The following COL10A1 variants were observed in gnomAD, a reference collection of about 807,000 sequenced individuals.
COL10A1 encodes the protein collagen alpha-1(X) chain.
In COL10A1, 10 loss-of-function variants were observed where a neutral mutation model predicts 18.2. The observed-to-expected ratio is 0.55, with a 90% CI of 0.34 to 0.93. The LOEUF (loss-of-function observed/expected upper bound fraction) is 0.93. COL10A1 is among the 40% of genes least tolerant of loss of function. COL10A1 has a pLI of 0.02. For synonymous variants in COL10A1, 330 were observed against 316.6 expected, an observed-to-expected ratio of 1.04 and a Z score of -0.45; for missense variants, 897 against 853.5, an observed-to-expected ratio of 1.05 and a Z score of -0.64.
At chr6:116,148,369 T>G (rs1158188955) in intron 1 of COL10A1, among the ~76,000 whole-genome samples, 1 of 152,220 alleles carries the variant, frequency 6.6e-6, no homozygotes. Context: ...GTAGCATTTG[T>G]TTTCATTGCA....
At chr6:116,203,079 C>T in the COL10A1 span, among the ~76,000 whole-genome samples, 1 of 151,876 alleles carries the variant, frequency 6.6e-6, no homozygotes, top group African/African-American at 2.4e-5. Flanking sequence ...TATGGTAGGA[C>T]ACAGGAAATA....
At chr6:116,169,311 G>A in the COL10A1 span, among the ~76,000 whole-genome samples, 10 of 152,152 alleles carry the variant, frequency 6.6e-5, no homozygotes, top group African/African-American at 2.4e-4. Flanking sequence ...AAATGGCATA[G>A]TTCTCCACTG....
At position 116,121,015 on chromosome 6, in the gene COL10A1, A is replaced by G. The variant is rs1320089096; in HGVS notation, c.1101T>C (p.Ala367=). Reference sequence around the variant, plus strand: ...TAGCCCCAGGGTATCCTGCAGGCCCAGCTGGCCCTGTCTCACCTTTAGGGC... The same window carrying G: ...TAGCCCCAGGGTATCCTGCAGGCCCGGCTGGCCCTGTCTCACCTTTAGGGC... ...LPGPKGETGP[A]GPAGYPGAKG... is the part of the protein sequence containing the mutation. Residue 367 remains alanine (A), a synonymous_variant, in exon 3 of 3, where the codon GCT becomes GCC. Coordinates refer to ENST00000651968, the MANE Select transcript of COL10A1 (RefSeq NM_000493.4). 9.9e-6 allele frequency: 16 copies of G among 1,613,824 alleles called. No individual in the cohort carries two copies. Among genetic ancestry groups the G allele is most frequent in the Non-Finnish European group, 1.4e-5 (16 of 1,179,860 alleles).
the COL10A1 span, among the ~76,000 whole-genome samples, chr6:116,203,508 A>T: frequency 6.6e-6 from 1 of 151,882 alleles, no homozygotes; most frequent in South Asian, 2.1e-4. Flanking sequence ...CCTCAACATT[A>T]TGCTCCTATA....
chr6:116,191,418 C>T, the COL10A1 span, among the ~76,000 whole-genome samples: 28 of 152,012 alleles, frequency 1.8e-4, no homozygotes, highest in Middle Eastern at 6.8e-3. Flanking sequence ...AGGAGATTCA[C>T]GGGAAAGAAG....
chr6:116,182,537 C>T, the COL10A1 span, among the ~76,000 whole-genome samples: 6 of 152,038 alleles, frequency 3.9e-5, no homozygotes, highest in East Asian at 1.9e-4. Context: ...ACCACATCCA[C>T]GCCAACACCT....
the COL10A1 span, among the ~76,000 whole-genome samples, chr6:116,171,003 C>G: frequency 7.2e-5 from 11 of 152,246 alleles, no homozygotes; most frequent in African/African-American, 2.6e-4. Context: ...TAGCCTGTTA[C>G]CACCCTACCA....
chr6:116,196,080 C>G, the COL10A1 span, among the ~76,000 whole-genome samples: 8 of 151,792 alleles, frequency 5.3e-5, no homozygotes, highest in Non-Finnish European at 1.0e-4. Flanking sequence ...TTCTGTTATC[C>G]CTGACATTCT....
intron 1 of COL10A1, among the ~76,000 whole-genome samples, chr6:116,151,092 G>T (rs756610206): frequency 6.6e-6 from 1 of 151,870 alleles, no homozygotes; most frequent in Non-Finnish European, 1.5e-5. Context: ...ATTTGCTCAG[G>T]GATTAGAATT....
At chr6:116,132,033 C>A (rs191178486) in intron 1 of COL10A1, among the ~76,000 whole-genome samples, 1 of 152,268 alleles carries the variant, frequency 6.6e-6, no homozygotes, top group Non-Finnish European at 1.5e-5. Flanking sequence ...GCATAGTATT[C>A]CATGGGGTAT....
the COL10A1 span, among the ~76,000 whole-genome samples, chr6:116,189,527 G>A: frequency 3.9e-5 from 6 of 151,928 alleles, no homozygotes; most frequent in Non-Finnish European, 5.9e-5. Flanking sequence ...AGACACAAAT[G>A]AACATATAAA....
rs1290966643 is a variant in COL10A1, at chr6:116,119,157, T to C, written c.*916A>G. On this transcript the variant is annotated 3_prime_UTR_variant, in exon 3 of 3. Coordinates refer to ENST00000651968, the MANE Select transcript of COL10A1 (RefSeq NM_000493.4). ...CAGTACAGTGCATAAATAAATAATA[T>C]ATCTCCACTTCTAGTCGAATTTTGA... 1.3e-5 allele frequency: 2 copies of C among 152,640 alleles called. No individual in the cohort carries two copies. The highest frequency in any genetic ancestry group is 6.5e-5 in the Admixed American group (1 of 15,284). The allele number at this position is 152,640 out of a possible 1,614,324, so 9.5% of individuals were successfully genotyped here. A position where few individuals can be genotyped will look rare whatever the true frequency, so the allele number is the denominator to read the frequency against.
At chr6:116,213,773 A>G in the COL10A1 span, among the ~76,000 whole-genome samples, 2 of 152,180 alleles carry the variant, frequency 1.3e-5, no homozygotes, top group African/African-American at 4.8e-5. Flanking sequence ...GATCCTGCCT[A>G]TTTCACCTCT....
At chr6:116,190,587 A>G in the COL10A1 span, among the ~76,000 whole-genome samples, 311 of 152,098 alleles carry the variant, frequency 2.0e-3, 1 homozygote, top group Middle Eastern at 0.01. Context: ...AAAAGATGAC[A>G]GTGGTTGTGG....
At chr6:116,149,627 T>C (rs1779985214) in intron 1 of COL10A1, among the ~76,000 whole-genome samples, 1 of 152,168 alleles carries the variant, frequency 6.6e-6, no homozygotes, top group Non-Finnish European at 1.5e-5. Flanking sequence ...AGAAATTGTT[T>C]TTCCAAAAAA....
chr6:116,141,765 T>G (rs749020427), intron 1 of COL10A1, among the ~76,000 whole-genome samples: 17 of 151,672 alleles, frequency 1.1e-4, no homozygotes, highest in Non-Finnish European at 2.1e-4. Context: ...TTTTGTTTTT[T>G]TTTTTTGTTT....
At chr6:116,191,814 G>C in the COL10A1 span, among the ~76,000 whole-genome samples, 25 of 151,904 alleles carry the variant, frequency 1.6e-4, no homozygotes, top group Admixed American at 6.6e-5. Flanking sequence ...TTATATATTT[G>C]TATTCCCCAA....
upstream of COL10A1, among the ~76,000 whole-genome samples, chr6:116,129,926 A>G (rs1448378515): frequency 2.0e-5 from 3 of 152,282 alleles, no homozygotes; most frequent in East Asian, 5.8e-4. Flanking sequence ...ACATTCACTC[A>G]CACACAGATA....
chr6:116,152,738 T>G (rs1449456995), intron 1 of COL10A1, among the ~76,000 whole-genome samples: 1 of 152,184 alleles, frequency 6.6e-6, no homozygotes, highest in African/African-American at 2.4e-5. Context: ...GTTAGAATGT[T>G]CCATACTTAG....
Sources: allele counts gnomAD v4.1 joint callset (sites outside exome capture counted in the v4.1 genomes callset), GRCh38; gene constraint gnomAD v4.1.1; transcripts MANE v1.5; gene names NCBI Gene and HGNC (gene_info 2026-07-23, HGNC 2026-07-21).